The following SNX29 variants were observed in gnomAD, a reference collection of about 807,000 sequenced individuals.
SNX29 encodes the protein sorting nexin 29, also known as sorting nexin-29.
Under a neutral mutation model 102.1 loss-of-function variants are expected in SNX29, and 78 were observed. The ratio of observed to expected loss-of-function variants is 0.76; its 90% CI spans 0.64 to 0.92. SNX29 has a LOEUF of 0.92. Ranked by LOEUF, SNX29 falls within the 40% of genes least tolerant of loss-of-function variation. The probability of loss-of-function intolerance (pLI) is 0.00; values close to 1 mark genes in which losing one functional copy is unlikely to be tolerated. For missense variants in SNX29, 1,280 were observed against 1,061.7 expected (o/e 1.21, Z -2.86); for synonymous variants, 580 against 414.5 (o/e 1.40, Z -4.85).
intron 16 of SNX29, among the ~76,000 whole-genome samples, chr16:12,389,513 A>G (rs1030224387): frequency 3.3e-5 from 5 of 152,040 alleles, no homozygotes; most frequent in African/African-American, 4.8e-5. Flanking sequence ...TTCCACCGTG[A>G]TTGTGAGGCC....
intron 15 of SNX29, among the ~76,000 whole-genome samples, chr16:12,279,449 C>G (rs1478180330): frequency 1.3e-5 from 2 of 152,210 alleles, no homozygotes; most frequent in Non-Finnish European, 2.9e-5. Context: ...GGGGATGAGT[C>G]AAAAGCCAGG....
In SNX29 at chr16:12,097,708, C is replaced by T. The variant is rs146194637; in HGVS notation, c.1402+18793C>T. 7.9e-5 allele frequency among the ~76,000 whole-genome samples: 12 copies of T among 152,258 alleles called. No homozygotes were observed. In the East Asian group the frequency reaches 9.6e-4, roughly 12 times the overall value. ...AACTTTTGGTCTGGAGGTTTCTAGC[C>T]GGCTATCTCAGCTGGGCCAGGCAGC... is the stretch of plus-strand genomic sequence containing the variant. On this transcript the variant is annotated intron_variant, in intron 11 of 20. Transcript: ENST00000566228.
intron 14 of SNX29, among the ~76,000 whole-genome samples, chr16:12,202,724 A>G (rs2076943572): frequency 6.6e-6 from 1 of 152,268 alleles, no homozygotes. Flanking sequence ...TTACGAGAGC[A>G]GGAGATCCCT....
intron 17 of SNX29, 28 bp from the exon 18 acceptor site, chr16:12,403,420 T>C: frequency 1.3e-6 from 2 of 1,575,458 alleles, no homozygotes. Context: ...ATGTCTAATG[T>C]TGGTCTCTCT....
chr16:12,449,354 G>C (rs999377751), intron 18 of SNX29, among the ~76,000 whole-genome samples: 1 of 149,290 alleles, frequency 6.7e-6, no homozygotes, highest in East Asian at 2.8e-4. Context: ...AGAGGGAACA[G>C]GCTTGAGAAT....
intron 20 of SNX29, among the ~76,000 whole-genome samples, chr16:12,544,859 C>T (rs1597873851): frequency 1.3e-5 from 2 of 152,212 alleles, no homozygotes; most frequent in Non-Finnish European, 2.9e-5. Flanking sequence ...CACATGCAGC[C>T]AGTGTCAACA....
intron 5 of SNX29, among the ~76,000 whole-genome samples, chr16:12,044,865 G>A (rs1206162498): frequency 6.6e-6 from 1 of 152,196 alleles, no homozygotes; most frequent in African/African-American, 2.4e-5. Context: ...ACAGGCGTGA[G>A]TTACTGTGTC....
At chr16:12,390,176 GTGTGTA>G (rs1555526516) in intron 16 of SNX29, among the ~76,000 whole-genome samples, 1 of 151,852 alleles carries the variant, frequency 6.6e-6, no homozygotes, top group East Asian at 1.9e-4. Flanking sequence ...GTGTGTGTGT[GTGTGTA>G]TGTATATGTA....
intron 19 of SNX29, among the ~76,000 whole-genome samples, chr16:12,521,409 A>T (rs1178160987): frequency 6.6e-6 from 1 of 151,966 alleles, no homozygotes; most frequent in Admixed American, 6.6e-5. Flanking sequence ...GACCTGGGTG[A>T]GAGAGGCAGA....
intron 19 of SNX29, among the ~76,000 whole-genome samples, chr16:12,510,787 A>G (rs1382369351): frequency 1.3e-5 from 2 of 152,150 alleles, no homozygotes; most frequent in Non-Finnish European, 2.9e-5. Flanking sequence ...AAAAGCAAAG[A>G]AAAAATAGGC....
chr16:12,126,567 G>C, intron 11 of SNX29, 66 bp from the exon 12 acceptor site: 2 of 1,517,600 alleles, frequency 1.3e-6, no homozygotes, highest in Middle Eastern at 1.7e-4. Context: ...ATAATCCAGA[G>C]AGGTGAGGGC....
At chr16:12,288,368 G>C (rs748348311) in intron 15 of SNX29, among the ~76,000 whole-genome samples, 1 of 137,776 alleles carries the variant, frequency 7.3e-6, no homozygotes, top group East Asian at 2.2e-4. Context: ...CTGCATAAAC[G>C]ACCCCTTAAT....
chr16:12,163,840 G>A (rs1416596165), intron 13 of SNX29, among the ~76,000 whole-genome samples: 3 of 152,168 alleles, frequency 2.0e-5, no homozygotes, highest in Admixed American at 6.5e-5. Context: ...TGGTGGTACT[G>A]TTCCGTGGTG....
chr16:12,074,693 T>C (rs1433650254), intron 10 of SNX29, among the ~76,000 whole-genome samples: 6 of 152,198 alleles, frequency 3.9e-5, no homozygotes, highest in African/African-American at 1.4e-4. Flanking sequence ...CTGTATTTCC[T>C]GAATCTGAAT....
At chr16:12,075,646 G>A (rs989035094) in intron 10 of SNX29, among the ~76,000 whole-genome samples, 11 of 152,188 alleles carry the variant, frequency 7.2e-5, no homozygotes, top group Admixed American at 6.5e-5. Flanking sequence ...CAGTCTGCCC[G>A]TTCTCAGATT....
chr16:12,130,570 C>A (rs192141006), intron 13 of SNX29, among the ~76,000 whole-genome samples: 1 of 151,452 alleles, frequency 6.6e-6, no homozygotes, highest in East Asian at 1.9e-4. Context: ...TATATATGCA[C>A]GTGGTTCAAA....
intron 11 of SNX29, among the ~76,000 whole-genome samples, chr16:12,124,138 A>G (rs944183335): frequency 1.3e-5 from 2 of 152,170 alleles, no homozygotes; most frequent in Non-Finnish European, 2.9e-5. Flanking sequence ...CATGTGGATC[A>G]TGAGGTCAGG....
At chr16:12,298,688 A>G (rs2080061462) in intron 15 of SNX29, among the ~76,000 whole-genome samples, 1 of 152,230 alleles carries the variant, frequency 6.6e-6, no homozygotes, top group African/African-American at 2.4e-5. Context: ...AGAATAGGCC[A>G]GGCATCCTCT....
intron 16 of SNX29, among the ~76,000 whole-genome samples, chr16:12,371,367 T>G (rs928506037): frequency 6.6e-6 from 1 of 152,112 alleles, no homozygotes. Flanking sequence ...GGTGTACTTA[T>G]AGCTCACTGC....
Sources: allele counts gnomAD v4.1 joint callset (sites outside exome capture counted in the v4.1 genomes callset), GRCh38; gene constraint gnomAD v4.1.1; transcripts MANE v1.5; gene names NCBI Gene and HGNC (gene_info 2026-07-23, HGNC 2026-07-21).